Variants in POLR2C observed in about 807,000 individuals in gnomAD.
POLR2C encodes the protein RNA polymerase II subunit C, also known as DNA-directed RNA polymerase II subunit RPB3.
POLR2C carries 36 observed loss-of-function variants against 41.7 expected under a neutral mutation model. That is an observed-to-expected ratio of 0.86 (90% confidence interval 0.66 to 1.14). POLR2C has a LOEUF of 1.14. Among genes scored for constraint, POLR2C ranks in the 50% most tolerant of loss-of-function variants. The pLI is 0.00. For missense variants in POLR2C, 260 were observed against 350.4 expected (o/e 0.74, Z 2.06); for synonymous variants, 133 against 137.8 (o/e 0.96, Z 0.25).
In POLR2C at chr16:57,469,737, C is replaced by T. The variant is rs1384718713; in HGVS notation, c.415C>T (p.Pro139Ser). 3 of 1,613,922 alleles carry T rather than the reference C, an allele frequency of 1.9e-6. No homozygotes were observed. Among genetic ancestry groups the T allele is most frequent in the African/African-American group, 1.3e-5 (1 of 74,926 alleles). Residue 139 changes from proline (P) to serine (S), a missense_variant, in exon 6 of 9, where the codon CCC becomes TCC. Physicochemically the swap from Pro to Ser is moderately conservative, Grantham distance 74. Transcript: ENST00000219252. This position sits in a 1 kb window ranked among gnomAD's most constrained non-coding sequence, Gnocchi z 5.8. ...GACATCCCGGAACCGAGATAATGACCCCAATGACTACGTGGAGCAGGATGG... is the reference window on the plus strand; with the variant it reads ...GACATCCCGGAACCGAGATAATGACTCCAATGACTACGTGGAGCAGGATGG... Reference protein sequence around the residue: ...PVTSRNRDNDPNDYVEQDDIL... With the variant: ...PVTSRNRDNDSNDYVEQDDIL...
intron 2 of POLR2C, chr16:57,463,803 TGTG>T (rs1393970602): frequency 1.2e-5 from 4 of 338,472 alleles, no homozygotes; most frequent in African/African-American, 4.4e-5. Context: ...ATTAGCCAGG[TGTG>T]GTGGCTCCCA....
chr16:57,463,475 G>A, intron 2 of POLR2C: 1 of 363,488 alleles, frequency 2.8e-6, no homozygotes, highest in South Asian at 2.2e-5. Flanking sequence ...GGGTATAAAT[G>A]ATCCTTTCAC....
At chr16:57,465,733 G>C in intron 2 of POLR2C, 1 of 527,120 alleles carries the variant, frequency 1.9e-6, no homozygotes, top group Non-Finnish European at 3.3e-6. Context: ...CTGTGAAGCA[G>C]GGAGCCCCCT....
At chr16:57,470,457 A>T in intron 8 of POLR2C, 103 bp downstream of exon 8, 2 of 830,632 alleles carry the variant, frequency 2.4e-6, no homozygotes, top group Non-Finnish European at 3.9e-6. Context: ...CGCAGTTCTC[A>T]TAAGCTGAGG....
chr16:57,471,120 C>A lies in POLR2C; in HGVS notation c.*1C>A. On this transcript the variant is annotated 3_prime_UTR_variant, in exon 9 of 9. Coordinates refer to ENST00000219252, the MANE Select transcript of POLR2C (RefSeq NM_032940.3). Reference sequence around the variant, plus strand: ...GAGTGATGTGCTAACCATAAATTAACTGCAGCTTGCCTGCTTCAGCAAAAA... The same window carrying A: ...GAGTGATGTGCTAACCATAAATTAAATGCAGCTTGCCTGCTTCAGCAAAAA... 1 of 1,613,494 alleles carries A rather than the reference C, an allele frequency of 6.2e-7. No individual in the cohort carries two copies.
At chr16:57,462,967 G>C in intron 1 of POLR2C, 62 bp from the exon 2 acceptor site, 2 of 1,499,182 alleles carry the variant, frequency 1.3e-6, no homozygotes, top group Non-Finnish European at 1.9e-6. Context: ...GGGAGCCTGC[G>C]GCGCGGGCCC....
intron 2 of POLR2C, chr16:57,465,746 A>G: frequency 1.9e-6 from 1 of 538,232 alleles, no homozygotes; most frequent in Non-Finnish European, 3.3e-6. Context: ...AGCCCCCTGC[A>G]TTAAATTCAC....
At chr16:57,463,258 C>A in intron 2 of POLR2C, 180 bp downstream of exon 2, 1 of 645,306 alleles carries the variant, frequency 1.5e-6, no homozygotes, top group Non-Finnish European at 2.8e-6. Flanking sequence ...GCCTCCCTGG[C>A]GCCCACGGGC....
Position 57,462,701 on chromosome 16 carries a change from G to T in POLR2C, c.-24G>T. The T allele has an allele frequency of 6.4e-7, 1 of 1,566,204 alleles. No individual in the cohort carries two copies. The highest frequency in any genetic ancestry group is 2.3e-5 in the East Asian group (1 of 42,800). On this transcript the variant is annotated 5_prime_UTR_variant, in exon 1 of 9. Transcript: ENST00000219252. ...CGCGCAGTCACCGCGGAGCAGACGCGGAGGCTGGTGGCCCCTGGGCGAGAT... is the reference window on the plus strand; with the variant it reads ...CGCGCAGTCACCGCGGAGCAGACGCTGAGGCTGGTGGCCCCTGGGCGAGAT...
chr16:57,469,291 C>T lies in POLR2C; in HGVS notation c.385C>T (p.Pro129Ser). The change falls in exon 5 of 9, where the codon CCG (proline) becomes TCG (serine). Residue 129 changes from proline to serine, a missense_variant and splice_region_variant. Coordinates refer to ENST00000219252, the MANE Select transcript of POLR2C (RefSeq NM_032940.3). This position sits in a 1 kb window ranked among gnomAD's most constrained non-coding sequence, Gnocchi z 5.8. ...DLISNSPRVIPVTSRNRDNDP... is the reference protein window; with the variant it reads ...DLISNSPRVISVTSRNRDNDP... ...CATCTCCAACAGCCCCCGGGTCATT[C>T]CGGTCAGTGCGGGAGAGCATCCTCT... 1.2e-6 allele frequency: 2 copies of T among 1,614,190 alleles called. No homozygotes were observed. The highest frequency in any genetic ancestry group is 1.7e-6 in the Non-Finnish European group (2 of 1,180,004).
At chr16:57,470,454 C>T (rs1346603623) in intron 8 of POLR2C, 100 bp downstream of exon 8, 1 of 845,364 alleles carries the variant, frequency 1.2e-6, no homozygotes, top group Non-Finnish European at 1.9e-6. Flanking sequence ...CCTCGCAGTT[C>T]TCATAAGCTG....
chr16:57,466,182 T>A lies in POLR2C; in HGVS notation c.213T>A (p.Ile71=). ...DEFIAHRLGL[I]PLISDDIVDK... ...CTTTTCTGTTTTTTACAGGATTAAT[T>A]CCCCTCATTAGTGATGACATTGTGG... The change falls in exon 4 of 9, where the codon ATT becomes ATA. Residue 71 remains isoleucine, a synonymous_variant. Transcript: ENST00000219252. 6.2e-7 allele frequency: 1 copy of A among 1,602,840 alleles called. No homozygotes were observed. Among genetic ancestry groups the A allele is most frequent in the Non-Finnish European group, 8.5e-7 (1 of 1,173,118 alleles).
chr16:57,469,838 T>A lies in POLR2C; in HGVS notation c.439+77T>A. 6.4e-7 allele frequency: 1 copy of A among 1,568,004 alleles called. No individual in the cohort carries two copies. The highest frequency in any genetic ancestry group is 8.8e-7 in the Non-Finnish European group (1 of 1,139,018). ...ACACAGCCTCTCGTGCTGCCTGGTC[T>A]CCTCGAAAATTGGCTTTAGACCGTT... On this transcript the variant is annotated intron_variant, in intron 6 of 8. Transcript: ENST00000219252. The surrounding 1 kb of genome is among the most constrained non-coding windows in gnomAD (Gnocchi z 5.8).
chr16:57,462,684 C>A lies in POLR2C; in HGVS notation c.-41C>A. 1.3e-6 allele frequency: 2 copies of A among 1,490,334 alleles called. No homozygotes were observed. Among genetic ancestry groups the A allele is most frequent in the South Asian group, 1.2e-5 (1 of 83,652 alleles). 92.3% of individuals were successfully genotyped at this position (1,490,334 alleles called of 1,614,324 possible). ...GGTGTTGGCGGTGGCGCCGCGCAGT[C>A]ACCGCGGAGCAGACGCGGAGGCTGG... On this transcript the variant is annotated 5_prime_UTR_variant, in exon 1 of 9. Transcript: ENST00000219252.
Position 57,470,052 on chromosome 16 carries a change from C to T in POLR2C, c.531C>T (p.Asn177=). 1 of 1,614,180 alleles carries T rather than the reference C, an allele frequency of 6.2e-7. No homozygotes were observed. The highest frequency in any genetic ancestry group is 8.5e-7 in the Non-Finnish European group (1 of 1,180,018). ...KGFGKEHAKW[N]PTAGVAFEYD... is the part of the protein sequence containing the mutation. ...TTGGCAAGGAGCATGCCAAGTGGAA[C>T]CCTACTGCAGGGGTGGCTTTTGAAT... is the stretch of plus-strand genomic sequence containing the variant. Residue 177 remains asparagine, a synonymous_variant, in exon 7 of 9, where the codon AAC becomes AAT. Coordinates refer to ENST00000219252, the MANE Select transcript of POLR2C (RefSeq NM_032940.3).
At chr16:57,465,303 C>T (rs982141870) in intron 2 of POLR2C, among the ~76,000 whole-genome samples, 2 of 152,142 alleles carry the variant, frequency 1.3e-5, no homozygotes, top group Non-Finnish European at 2.9e-5. Context: ...GCTCCAGTGC[C>T]ATTTGATTCC....
intron 1 of POLR2C, 97 bp from the exon 2 acceptor site, chr16:57,462,932 C>T: frequency 5.0e-6 from 6 of 1,190,554 alleles, no homozygotes; most frequent in Non-Finnish European, 7.1e-6. Context: ...CCAGAGCTGC[C>T]CCCCTGCACC....
intron 2 of POLR2C, 144 bp from the exon 3 acceptor site, chr16:57,465,809 C>A: frequency 1.5e-6 from 1 of 653,534 alleles, no homozygotes; most frequent in East Asian, 2.6e-5. Flanking sequence ...AATGCAAGTA[C>A]CTGGGCCCCA....
At chr16:57,465,546 T>C (rs1567583310) in intron 2 of POLR2C, among the ~76,000 whole-genome samples, 1 of 152,222 alleles carries the variant, frequency 6.6e-6, no homozygotes, top group African/African-American at 2.4e-5. Context: ...AAATGAGGTA[T>C]GGCCCCATAA....
Sources: allele counts gnomAD v4.1 joint callset (sites outside exome capture counted in the v4.1 genomes callset), GRCh38; gene constraint gnomAD v4.1.1; non-coding constraint Gnocchi (gnomAD v3.1); transcripts MANE v1.5; gene names NCBI Gene and HGNC (gene_info 2026-07-23, HGNC 2026-07-21).